Variants in CSMD3 observed in about 807,000 individuals in gnomAD.
CSMD3 encodes CUB and sushi domain-containing protein 3.
Under a neutral mutation model 435.2 loss-of-function variants are expected in CSMD3, and 177 were observed. The observed-to-expected ratio is 0.41, with a 90% CI of 0.36 to 0.46. CSMD3 has a LOEUF of 0.46. CSMD3 is among the 20% of genes least tolerant of loss of function. The pLI is 0.34. For missense variants in CSMD3, 4,265 were observed against 4,504.6 expected (o/e 0.95, Z 1.52); for synonymous variants, 1,656 against 1,520.5 (o/e 1.09, Z -2.07).
chr8:112,342,646 C>A (rs1357496702), intron 41 of CSMD3, among the ~76,000 whole-genome samples: 1 of 151,990 alleles, frequency 6.6e-6, no homozygotes, highest in Non-Finnish European at 1.5e-5. Context: ...GAACTGCAAA[C>A]CGAGGCATTC....
At chr8:112,534,927 A>C (rs1471442487) in intron 27 of CSMD3, among the ~76,000 whole-genome samples, 1 of 152,208 alleles carries the variant, frequency 6.6e-6, no homozygotes, top group African/African-American at 2.4e-5. Flanking sequence ...CAAAGAAAAA[A>C]ACCACATGAT....
intron 5 of CSMD3, among the ~76,000 whole-genome samples, chr8:113,058,223 TTTC>T (rs1191204830): frequency 1.3e-5 from 2 of 151,976 alleles, no homozygotes; most frequent in Non-Finnish European, 2.9e-5. Flanking sequence ...TCTAACTTTA[TTTC>T]TTTTTATTGT....
intron 3 of CSMD3, among the ~76,000 whole-genome samples, chr8:113,186,277 G>A (rs563542132): frequency 1.3e-5 from 2 of 151,902 alleles, no homozygotes; most frequent in Non-Finnish European, 2.9e-5. Context: ...ATATGGCCAG[G>A]TCATTGGCCA....
chr8:112,261,251 A>G (rs1056138157), intron 61 of CSMD3, among the ~76,000 whole-genome samples: 2 of 152,098 alleles, frequency 1.3e-5, no homozygotes, highest in Non-Finnish European at 2.9e-5. Context: ...TGTCTATAAA[A>G]TATATATTTA....
At chr8:112,465,339 T>C (rs1817847748) in intron 32 of CSMD3, among the ~76,000 whole-genome samples, 1 of 152,184 alleles carries the variant, frequency 6.6e-6, no homozygotes, top group Non-Finnish European at 1.5e-5. Context: ...TTGAATCATA[T>C]GTTCTGTTTA....
At chr8:113,339,462 T>C (rs868851937) in intron 1 of CSMD3, among the ~76,000 whole-genome samples, 1 of 150,920 alleles carries the variant, frequency 6.6e-6, no homozygotes, top group Non-Finnish European at 1.5e-5. Flanking sequence ...CATTAAGTTA[T>C]TTTATTTTCT....
rs181396867 is a variant in CSMD3, at chr8:112,664,425, T to G, written c.2816+1852A>C. 3.9e-5 allele frequency among the ~76,000 whole-genome samples: 6 copies of G among 152,134 alleles called. No homozygotes were observed. The East Asian group carries it at 9.6e-4, about 24-fold the overall frequency. On this transcript the variant is annotated intron_variant, in intron 17 of 70. Transcript: ENST00000297405. The stretch of plus-strand genomic sequence containing the variant: ...GGAAAAAGATTTAATGATGAATAAC[T>G]AAGATGTTTTTCAAGCTTTCTAAAA...
intron 1 of CSMD3, among the ~76,000 whole-genome samples, chr8:113,363,739 G>C (rs73341950): frequency 9.2e-5 from 14 of 152,050 alleles, no homozygotes; most frequent in African/African-American, 3.1e-4. Context: ...ATGTTAAGAC[G>C]CTTAACTTAA....
At chr8:112,928,112 A>G (rs2082972627) in intron 9 of CSMD3, among the ~76,000 whole-genome samples, 2 of 152,108 alleles carry the variant, frequency 1.3e-5, no homozygotes, top group African/African-American at 4.8e-5. Context: ...TACTTCCTCT[A>G]CTTATATACT....
rs144979158 is a variant in CSMD3 at position 113,077,310 on chromosome 8, A to G, written c.917+21446T>C. Among the ~76,000 whole-genome samples, 1,033 of 152,226 alleles carry G rather than the reference A, an allele frequency of 6.8e-3. 12 individuals carry two copies. Among genetic ancestry groups the G allele is most frequent in the African/African-American group, 0.024 (991 of 41,538 alleles). The stretch of plus-strand genomic sequence containing the variant: ...CTTAAATTACCTCAAAATAAAAGAT[A>G]AAATGTAAAAACACTCTAAAAAGTT... On this transcript the variant is annotated intron_variant, in intron 5 of 70. Coordinates refer to ENST00000297405, the MANE Select transcript of CSMD3 (RefSeq NM_198123.2).
At chr8:113,286,419 C>A (rs2093647143) in intron 2 of CSMD3, among the ~76,000 whole-genome samples, 1 of 152,114 alleles carries the variant, frequency 6.6e-6, no homozygotes, top group Non-Finnish European at 1.5e-5. Flanking sequence ...ATTTACATTG[C>A]AAGAAATCCA....
At chr8:113,394,180 AC>A (rs2094473263) in intron 1 of CSMD3, among the ~76,000 whole-genome samples, 1 of 151,750 alleles carries the variant, frequency 6.6e-6, no homozygotes, top group Non-Finnish European at 1.5e-5. Flanking sequence ...ACACACACAC[AC>A]ACACACACAC....
chr8:112,740,395 T>C (rs2077278453), intron 13 of CSMD3, among the ~76,000 whole-genome samples: 1 of 151,686 alleles, frequency 6.6e-6, no homozygotes, highest in South Asian at 2.1e-4. Context: ...ATAATACATG[T>C]CAGAAATTAC....
At chr8:112,435,513 T>C (rs1049510746) in intron 32 of CSMD3, among the ~76,000 whole-genome samples, 1 of 152,050 alleles carries the variant, frequency 6.6e-6, no homozygotes, top group Non-Finnish European at 1.5e-5. Flanking sequence ...AATACTGGCT[T>C]TTAAAAGTAG....
chr8:113,202,975 A>T (rs762549215), intron 3 of CSMD3, among the ~76,000 whole-genome samples: 67 of 152,130 alleles, frequency 4.4e-4, no homozygotes, highest in Non-Finnish European at 8.8e-4. Context: ...ACAGAAGAAT[A>T]AGATTTCGCT....
At chr8:112,768,239 A>T (rs567682084) in intron 13 of CSMD3, among the ~76,000 whole-genome samples, 25 of 151,808 alleles carry the variant, frequency 1.6e-4, no homozygotes, top group Non-Finnish European at 3.4e-4. Context: ...TAAAGATTTA[A>T]TAAATATGTC....
intron 3 of CSMD3, among the ~76,000 whole-genome samples, chr8:113,248,198 CTG>C (rs2093295989): frequency 6.6e-6 from 1 of 151,758 alleles, no homozygotes; most frequent in Non-Finnish European, 1.5e-5. Context: ...TTCTTCTGAA[CTG>C]GCTCTCGTTA....
chr8:112,755,086 C>T (rs2077658667), intron 13 of CSMD3, among the ~76,000 whole-genome samples: 1 of 152,014 alleles, frequency 6.6e-6, no homozygotes, highest in Admixed American at 6.6e-5. Context: ...AATCCCAGCA[C>T]TTTGGGAGGC....
intron 59 of CSMD3, among the ~76,000 whole-genome samples, chr8:112,280,590 T>A (rs1818535064): frequency 6.8e-6 from 1 of 146,904 alleles, no homozygotes; most frequent in South Asian, 2.3e-4. Context: ...TGTATTATTG[T>A]TGGTTAAATA....
Sources: gnomAD v4.1 joint callset for allele counts (sites outside exome capture counted in the v4.1 genomes callset) on GRCh38, gnomAD v4.1.1 for gene constraint, MANE v1.5 for transcripts, NCBI Gene and HGNC (gene_info 2026-07-23, HGNC 2026-07-21) for gene names.